Variants in ZFAT observed in about 807,000 individuals in gnomAD.
ZFAT encodes zinc finger and AT-hook domain containing.
In ZFAT, 64 loss-of-function variants were observed where a neutral mutation model predicts 117.7. That is an observed-to-expected ratio of 0.54 (90% CI 0.44 to 0.67). ZFAT has a LOEUF of 0.67. ZFAT is among the 30% of genes least tolerant of loss of function. The pLI is 0.00. For missense variants in ZFAT, 1,433 were observed against 1,584.5 expected (o/e 0.90, Z 1.62); for synonymous variants, 679 against 615.0 (o/e 1.10, Z -1.54).
At position 134,478,813 on chromosome 8, in the gene ZFAT, G is replaced by A; in HGVS notation, c.3493-92C>T. On this transcript the variant is annotated intron_variant, in intron 15 of 15. Transcript: ENST00000377838. The surrounding 1 kb of genome is among the most constrained non-coding windows in gnomAD (Gnocchi z 5.2). ...CACAACTACAGTTTAGGAGGCACCA[G>A]TGCGCTGCGGGAGCACGTCCATTCT... 2 of 1,481,496 alleles carry A rather than the reference G, an allele frequency of 1.3e-6. No individual in the cohort carries two copies. Among genetic ancestry groups the A allele is most frequent in the Middle Eastern group, 3.5e-4 (2 of 5,744 alleles). The allele number at this position is 1,481,496 out of a possible 1,614,324, so 91.8% of individuals were successfully genotyped here.
At chr8:134,512,664 A>AG in intron 13 of ZFAT, 63 bp from the exon 14 acceptor site, 1 of 1,573,964 alleles carries the variant, frequency 6.4e-7, no homozygotes, top group Non-Finnish European at 8.6e-7. Flanking sequence ...AGAAGTTCCA[A>AG]GATAACATAC....
the ZFAT span, among the ~76,000 whole-genome samples, chr8:134,719,935 A>C: frequency 1.3e-5 from 2 of 152,220 alleles, no homozygotes; most frequent in African/African-American, 2.4e-5. Context: ...ATCATGTCCT[A>C]GTGTAATCCC....
At chr8:134,781,908 T>C in the ZFAT span, among the ~76,000 whole-genome samples, 1 of 152,240 alleles carries the variant, frequency 6.6e-6, no homozygotes, top group African/African-American at 2.4e-5. Context: ...ATAGAGTATA[T>C]AATACATATA....
chr8:134,537,325 G>T (rs530965703), intron 11 of ZFAT, among the ~76,000 whole-genome samples: 1 of 152,314 alleles, frequency 6.6e-6, no homozygotes, highest in South Asian at 2.1e-4. Flanking sequence ...GAGATGATTT[G>T]GTTTTCCACT....
the ZFAT span, among the ~76,000 whole-genome samples, chr8:134,802,034 T>C: frequency 2.6e-5 from 4 of 152,308 alleles, no homozygotes; most frequent in African/African-American, 9.6e-5. Context: ...CTCCAAGTAA[T>C]TCTGATGCAA....
chr8:134,641,481 C>A (rs1022583938), intron 2 of ZFAT, among the ~76,000 whole-genome samples: 7 of 152,166 alleles, frequency 4.6e-5, no homozygotes, highest in African/African-American at 1.7e-4. Flanking sequence ...CATGAGGTGT[C>A]CCCAGCTAAG....
In ZFAT at chr8:134,638,363, G is replaced by C. The variant is rs559852121; in HGVS notation, c.197-651C>G. Reference sequence around the variant, plus strand: ...TACAACTTGTGTTTCTTCTCAATTAGTGTTAATTTTTAAGGCATTCATCTC... The same window carrying C: ...TACAACTTGTGTTTCTTCTCAATTACTGTTAATTTTTAAGGCATTCATCTC... On this transcript the variant is annotated intron_variant, in intron 2 of 15. Transcript: ENST00000377838. Among the ~76,000 whole-genome samples, 83 of 152,088 alleles carry C rather than the reference G, an allele frequency of 5.5e-4. 2 individuals carry two copies. The highest frequency in any genetic ancestry group is 1.7e-3 in the African/African-American group (72 of 41,482).
At chr8:134,511,490 C>T (rs1298326070) in intron 14 of ZFAT, among the ~76,000 whole-genome samples, 1 of 152,224 alleles carries the variant, frequency 6.6e-6, no homozygotes, top group African/African-American at 2.4e-5. Flanking sequence ...CATTAATCTT[C>T]CCTAAACCAA....
chr8:134,588,610 C>T (rs1181021240), intron 8 of ZFAT, among the ~76,000 whole-genome samples: 6 of 152,274 alleles, frequency 3.9e-5, no homozygotes, highest in African/African-American at 1.4e-4. Context: ...GGAGAAGCAA[C>T]ATCACAAGGC....
chr8:134,822,031 T>A, the ZFAT span, among the ~76,000 whole-genome samples: 1 of 152,046 alleles, frequency 6.6e-6, no homozygotes, highest in South Asian at 2.1e-4. Context: ...GCGTCTTGGG[T>A]TTTTATAGAG....
rs554415466 is a variant in ZFAT, at chr8:134,532,876, C to T, written c.3073G>A (p.Val1025Met). 3.2e-5 allele frequency: 51 copies of T among 1,609,712 alleles called. No homozygotes were observed. In the East Asian group the frequency reaches 3.8e-4, roughly 12 times the overall value. Reference protein sequence around the residue: ...RKHPNEEYANVGTGELAAEVL... With the variant: ...RKHPNEEYANMGTGELAAEVL... ...TCCGCTGCCAGCTCCCCGGTGCCCA[C>T]GTTGGCATACTCCTCATTAGGGTGC... is the stretch of plus-strand genomic sequence containing the variant. The change falls in exon 12 of 16, where the codon GTG becomes ATG. Residue 1025 changes from valine (V) to methionine (M), a missense_variant. Val to Met is a conservative substitution (Grantham distance 21). This residue lies in a region of ZFAT where 503 missense variants were observed against 543.4 expected (regional missense o/e 0.93). Coordinates refer to ENST00000377838, the MANE Select transcript of ZFAT (RefSeq NM_020863.4).
intron 2 of ZFAT, among the ~76,000 whole-genome samples, chr8:134,638,246 A>C (rs139155224): frequency 6.6e-6 from 1 of 152,350 alleles, no homozygotes; most frequent in East Asian, 1.9e-4. Context: ...TATAGCACTA[A>C]AGACAATAAC....
intron 2 of ZFAT, among the ~76,000 whole-genome samples, chr8:134,644,769 C>T (rs1296990325): frequency 6.6e-6 from 1 of 151,888 alleles, no homozygotes; most frequent in African/African-American, 2.4e-5. Context: ...TGTATACTCA[C>T]AATGTGCCCA....
In ZFAT at chr8:134,639,893, G is replaced by A. The variant is rs1488688365; in HGVS notation, c.197-2181C>T. On this transcript the variant is annotated intron_variant, in intron 2 of 15. Transcript: ENST00000377838. ...TCCCGCAGACACAAGCCACTCCCCT[G>A]AAACACTCTATGAGGATGTGATTGT... 1.2e-5 allele frequency: 5 copies of A among 419,816 alleles called. No individual in the cohort carries two copies. The East Asian group carries it at 3.5e-4, about 30-fold the overall frequency. 26.0% of individuals were successfully genotyped at this position (419,816 alleles called of 1,614,324 possible). A position where few individuals can be genotyped will look rare whatever the true frequency, so the allele number is the denominator to read the frequency against.
At chr8:134,589,486 C>T (rs529492701) in intron 8 of ZFAT, among the ~76,000 whole-genome samples, 22 of 152,330 alleles carry the variant, frequency 1.4e-4, no homozygotes, top group African/African-American at 5.3e-4. Context: ...AGAAGAAGTA[C>T]CTGTTACTCC....
intron 1 of ZFAT, among the ~76,000 whole-genome samples, chr8:134,698,310 C>T (rs138352524): frequency 4.1e-5 from 5 of 122,038 alleles, no homozygotes; most frequent in South Asian, 2.9e-4. Context: ...GGTGAAGGAG[C>T]GAGACTCCAT....
At chr8:134,640,845 AT>A (rs1830539406) in intron 2 of ZFAT, among the ~76,000 whole-genome samples, 1 of 152,208 alleles carries the variant, frequency 6.6e-6, no homozygotes, top group Admixed American at 6.5e-5. Flanking sequence ...AACTACTCGC[AT>A]TTTATGGCAG....
intron 11 of ZFAT, among the ~76,000 whole-genome samples, chr8:134,537,662 C>CCAT (rs1411455747): frequency 6.6e-6 from 1 of 152,056 alleles, no homozygotes; most frequent in African/African-American, 2.4e-5. Context: ...ACTCTGGATA[C>CCAT]CTGGAAGTTA....
intron 3 of ZFAT, among the ~76,000 whole-genome samples, chr8:134,615,617 A>G (rs1828666424): frequency 1.3e-5 from 2 of 152,182 alleles, no homozygotes. Context: ...AATACCACTC[A>G]GGTAAACTAC....
Sources: allele counts gnomAD v4.1 joint callset (sites outside exome capture counted in the v4.1 genomes callset), GRCh38; gene constraint gnomAD v4.1.1; regional missense constraint gnomAD v4.1.1; non-coding constraint Gnocchi (gnomAD v3.1); transcripts MANE v1.5; gene names NCBI Gene and HGNC (gene_info 2026-07-23, HGNC 2026-07-21).